Variants in SNURF observed in about 807,000 individuals in gnomAD.
The protein encoded by SNURF is SNURF protein.
SNURF carries 6 observed loss-of-function variants against 11.6 expected under a neutral mutation model. The ratio of observed to expected loss-of-function variants is 0.52; its 90% CI spans 0.28 to 1.02. The LOEUF is 1.02. SNURF is among the 50% of genes least tolerant of loss of function. The pLI is 0.09. For synonymous variants in SNURF, 29 were observed against 31.6 expected (o/e 0.92, Z 0.27); for missense variants, 84 against 88.4 (o/e 0.95, Z 0.20).
At chr15:24,967,839 C>G in intron 2 of SNURF, 93 bp from the exon 3 acceptor site, 82 of 686,294 alleles carry the variant, frequency 1.2e-4, no homozygotes, top group Non-Finnish European at 1.6e-4. Flanking sequence ...GGAATATCTT[C>G]TTAAATGTAA....
At chr15:24,972,656 G>A (rs1201669460), downstream of SNURF, among the ~76,000 whole-genome samples, 2 of 149,806 alleles carry the variant, frequency 1.3e-5, no homozygotes, top group Admixed American at 6.7e-5. Context: ...AGTAATTTGT[G>A]TTTCATTTTT....
chr15:24,970,963 C>T (rs765268028), downstream of SNURF, among the ~76,000 whole-genome samples: 1 of 152,166 alleles, frequency 6.6e-6, no homozygotes, highest in East Asian at 1.9e-4. Flanking sequence ...TGGAGACCCT[C>T]TATAATTTTA....
intron 2 of SNURF, among the ~76,000 whole-genome samples, chr15:24,962,932 T>C (rs145843075): frequency 1.5e-3 from 233 of 152,298 alleles, no homozygotes; most frequent in African/African-American, 5.0e-3. Flanking sequence ...GTATTAAAAA[T>C]TCATGAAGAT....
downstream of SNURF, among the ~76,000 whole-genome samples, chr15:24,973,158 G>A (rs1485110086): frequency 2.0e-5 from 3 of 152,088 alleles, no homozygotes; most frequent in Admixed American, 2.0e-4. Flanking sequence ...CAAAGTGTTG[G>A]GATTATGGGC....
rs762451650 is a variant in SNURF, at chr15:24,977,746, C to G, written c.*463-32C>G. 2.0e-5 allele frequency: 31 copies of G among 1,550,672 alleles called. No individual in the cohort carries two copies. The Middle Eastern group carries it at 8.6e-4, about 43-fold the overall frequency. On this transcript the variant is annotated intron_variant and NMD_transcript_variant, in intron 6 of 6. Coordinates refer to the SNURF transcript ENST00000580062. ...GTTTGAATAATGTGAAGGTTTGCAT[C>G]GCTTTGACTGTTTCCCGCCCTGCCT... is the stretch of plus-strand genomic sequence containing the variant.
chr15:24,958,888 TTTTA>T (rs1325651284), intron 1 of SNURF: 1 of 153,998 alleles, frequency 6.5e-6, no homozygotes, highest in African/African-American at 2.4e-5. Flanking sequence ...CCAGCTAACT[TTTTA>T]TTTTTTTGTA....
At position 24,959,603 on chromosome 15, in the gene SNURF, C is replaced by G. The variant is rs572621322; in HGVS notation, c.15-2511C>G. ...GTAAGACAGTGTTTGCAGTTGTACA[C>G]TATTAGATTAATCATGGTTTAGTTG... is the stretch of plus-strand genomic sequence containing the variant. On this transcript the variant is annotated intron_variant, in intron 1 of 2. Coordinates refer to ENST00000577949, the Ensembl canonical transcript of SNURF. 3.1e-3 allele frequency among the ~76,000 whole-genome samples: 478 copies of G among 152,278 alleles called. 1 individual carries two copies. Among genetic ancestry groups the G allele is most frequent in the Non-Finnish European group, 4.7e-3 (322 of 68,020 alleles).
At chr15:24,955,304 C>T (rs774056920) in intron 1 of SNURF, among the ~76,000 whole-genome samples, 3 of 151,806 alleles carry the variant, frequency 2.0e-5, no homozygotes, top group African/African-American at 7.3e-5. Context: ...ACTGTGGTGT[C>T]GCGACAGGTC....
intron 1 of SNURF, among the ~76,000 whole-genome samples, chr15:24,956,354 C>CGGGAG: frequency 7.2e-6 from 1 of 138,224 alleles, no homozygotes; most frequent in East Asian, 2.5e-4. Context: ...AGCGCTTCAG[C>CGGGAG]GGGGGGGTGG....
At chr15:24,962,510 T>G (rs570915440) in intron 2 of SNURF, among the ~76,000 whole-genome samples, 1 of 152,350 alleles carries the variant, frequency 6.6e-6, no homozygotes, top group East Asian at 1.9e-4. Context: ...CATTATTAAA[T>G]CACTTTGTAT....
At chr15:24,977,938 A>G (rs1245731805), downstream of SNURF, 1 of 1,535,476 alleles carries the variant, frequency 6.5e-7, no homozygotes, top group African/African-American at 1.4e-5. Flanking sequence ...GTGAACACGA[A>G]GACGAACTTG....
chr15:24,974,212 T>C (rs2076801120), intron 3 of SNURF: 2 of 537,038 alleles, frequency 3.7e-6, no homozygotes, highest in Non-Finnish European at 6.7e-6. Context: ...GGAAGGATGT[T>C]TTTGAACGTG....
intron 2 of SNURF, among the ~76,000 whole-genome samples, chr15:24,965,714 CAT>C (rs1008029165): frequency 3.9e-5 from 6 of 152,154 alleles, no homozygotes; most frequent in African/African-American, 1.4e-4. Context: ...CTAAGCTTCA[CAT>C]GTCTTTTCAA....
chr15:24,959,676 A>G (rs2074450208), intron 1 of SNURF, among the ~76,000 whole-genome samples: 1 of 152,264 alleles, frequency 6.6e-6, no homozygotes, highest in East Asian at 1.9e-4. Flanking sequence ...TATTAGCTGT[A>G]TTTGTGTGCC....
In SNURF at chr15:24,961,967, G is replaced by T; in HGVS notation, c.15-147G>T. 2 of 783,618 alleles carry T rather than the reference G, an allele frequency of 2.6e-6. 1 individual carries two copies. Among genetic ancestry groups the T allele is most frequent in the South Asian group, 3.0e-5 (2 of 67,788 alleles). The allele number at this position is 783,618 out of a possible 1,614,324, so 48.5% of individuals were successfully genotyped here. ...TAGCATAGATTATGACTGTTTGAAGGTTAAAGATCTTGTAATAATTTTACC... is the reference window on the plus strand; with the variant it reads ...TAGCATAGATTATGACTGTTTGAAGTTTAAAGATCTTGTAATAATTTTACC... On this transcript the variant is annotated intron_variant, in intron 1 of 2. Coordinates refer to ENST00000577949, the Ensembl canonical transcript of SNURF.
intron 1 of SNURF, among the ~76,000 whole-genome samples, chr15:24,957,675 A>G (rs1395744663): frequency 1.3e-5 from 2 of 152,150 alleles, no homozygotes; most frequent in Admixed American, 6.5e-5. Flanking sequence ...GGAATAATCT[A>G]TTTTTGGGTA....
At chr15:24,976,277 C>T in intron 4 of SNURF, 2 of 1,552,710 alleles carry the variant, frequency 1.3e-6, no homozygotes, top group Non-Finnish European at 1.8e-6. Context: ...TAAAATTTAT[C>T]TCACTAAAAT....
At chr15:24,964,956 C>G (rs2075394578) in intron 2 of SNURF, among the ~76,000 whole-genome samples, 2 of 152,030 alleles carry the variant, frequency 1.3e-5, no homozygotes, top group Non-Finnish European at 2.9e-5. Context: ...ACTGCAGGGT[C>G]TTGAGTTGGG....
At chr15:24,955,947 G>A (rs2062790497) in intron 1 of SNURF, among the ~76,000 whole-genome samples, 1 of 150,128 alleles carries the variant, frequency 6.7e-6, no homozygotes, top group African/African-American at 2.5e-5. Context: ...ATCAGAAGGG[G>A]CAGTAGCACA....
Sources: allele counts gnomAD v4.1 joint callset (sites outside exome capture counted in the v4.1 genomes callset), GRCh38; gene constraint gnomAD v4.1.1; transcripts MANE v1.5; gene names NCBI Gene and HGNC (gene_info 2026-07-23, HGNC 2026-07-21).